Variants in GALNT7 observed in about 807,000 individuals in gnomAD.
The protein encoded by GALNT7 is N-acetylgalactosaminyltransferase 7.
Under a neutral mutation model 82.1 loss-of-function variants are expected in GALNT7, and 60 were observed. The ratio of observed to expected loss-of-function variants is 0.73; its 90% CI spans 0.59 to 0.91. The LOEUF is 0.91. Ranked by LOEUF, GALNT7 falls within the 40% of genes least tolerant of loss-of-function variation. GALNT7 has a pLI of 0.00. For synonymous variants in GALNT7, 243 were observed against 275.1 expected (o/e 0.88, Z 1.15); for missense variants, 660 against 804.2 (o/e 0.82, Z 2.17).
At chr4:173,286,190 C>A (rs1736315723) in intron 2 of GALNT7, among the ~76,000 whole-genome samples, 2 of 152,162 alleles carry the variant, frequency 1.3e-5, no homozygotes, top group Non-Finnish European at 2.9e-5. Context: ...AAACAGTGAT[C>A]TTCATCATTC....
intron 1 of GALNT7, among the ~76,000 whole-genome samples, chr4:173,203,243 G>A (rs57715340): frequency 0.016 from 2,476 of 152,084 alleles, 70 homozygotes; most frequent in Admixed American, 0.067. Context: ...ACAGGCGCCC[G>A]CCACCACGCC....
chr4:173,292,284 G>T lies in GALNT7; in HGVS notation c.754+10G>T, dbSNP rs199755438. ...GATTTCAGTAATAAAGGTAATGGCTGTGAAACTCACATTTTGTCTATAAAA... is the reference window on the plus strand; with the variant it reads ...GATTTCAGTAATAAAGGTAATGGCTTTGAAACTCACATTTTGTCTATAAAA... On this transcript the variant is annotated intron_variant, in intron 3 of 11. Transcript: ENST00000265000. The surrounding 1 kb of genome is among the most constrained non-coding windows in gnomAD (Gnocchi z 4.8). The T allele has an allele frequency of 1.3e-5, 20 of 1,487,744 alleles. No homozygotes were observed. The highest frequency in any genetic ancestry group is 2.1e-5 in the Admixed American group (1 of 47,046). The allele number at this position is 1,487,744 out of a possible 1,614,324, so 92.2% of individuals were successfully genotyped here. A position where few individuals can be genotyped will look rare whatever the true frequency, so the allele number is the denominator to read the frequency against.
chr4:173,207,549 T>TAAGG, intron 1 of GALNT7, among the ~76,000 whole-genome samples: 1 of 152,212 alleles, frequency 6.6e-6, no homozygotes. Context: ...AATCCTCTAT[T>TAAGG]AAGGTTGTTT....
intron 1 of GALNT7, among the ~76,000 whole-genome samples, chr4:173,189,168 G>A (rs1732546408): frequency 6.6e-6 from 1 of 152,100 alleles, no homozygotes; most frequent in Admixed American, 6.5e-5. Flanking sequence ...CACTGATCTT[G>A]CGGTTATTTA....
At chr4:173,262,954 A>G (rs993805029) in intron 2 of GALNT7, among the ~76,000 whole-genome samples, 7 of 152,216 alleles carry the variant, frequency 4.6e-5, no homozygotes, top group African/African-American at 1.2e-4. Flanking sequence ...TTATGAAGGT[A>G]TATTAAGTAT....
At chr4:173,223,279 CA>C (rs1733700383) in intron 1 of GALNT7, among the ~76,000 whole-genome samples, 1 of 152,140 alleles carries the variant, frequency 6.6e-6, no homozygotes, top group Non-Finnish European at 1.5e-5. Context: ...TTTTTCACAC[CA>C]TATCCTGCCT....
chr4:173,273,511 TG>T (rs1429069835), intron 2 of GALNT7, among the ~76,000 whole-genome samples: 1 of 152,204 alleles, frequency 6.6e-6, no homozygotes, highest in Non-Finnish European at 1.5e-5. Flanking sequence ...TCTGAACAAC[TG>T]GTTTGTTAAA....
At chr4:173,191,368 G>A (rs1373527247) in intron 1 of GALNT7, among the ~76,000 whole-genome samples, 2 of 152,138 alleles carry the variant, frequency 1.3e-5, no homozygotes. Context: ...GCGAGCAAAA[G>A]GATGTAAGTC....
chr4:173,222,121 G>A (rs1221677688), intron 1 of GALNT7, among the ~76,000 whole-genome samples: 1 of 152,138 alleles, frequency 6.6e-6, no homozygotes, highest in African/African-American at 2.4e-5. Flanking sequence ...CTAGGCCATG[G>A]TATCAGCGCG....
intron 2 of GALNT7, among the ~76,000 whole-genome samples, chr4:173,249,288 C>T (rs1734768026): frequency 6.6e-6 from 1 of 152,194 alleles, no homozygotes. Flanking sequence ...CAGGTGCTCA[C>T]ACTCCCATAC....
chr4:173,182,911 C>G (rs1732300399), intron 1 of GALNT7, among the ~76,000 whole-genome samples: 2 of 128,212 alleles, frequency 1.6e-5, no homozygotes, highest in South Asian at 2.4e-4. Context: ...ATGAGGCTAG[C>G]AGGTTACTCA....
chr4:173,303,026 C>A (rs1737005199), intron 7 of GALNT7, among the ~76,000 whole-genome samples: 1 of 152,134 alleles, frequency 6.6e-6, no homozygotes, highest in African/African-American at 2.4e-5. Flanking sequence ...GAAACCCCAT[C>A]TCTACTAAAA....
chr4:173,197,877 G>C (rs1359850086), intron 1 of GALNT7, among the ~76,000 whole-genome samples: 1 of 152,108 alleles, frequency 6.6e-6, no homozygotes, highest in Non-Finnish European at 1.5e-5. Flanking sequence ...GAATTAGCTG[G>C]CTGAATTACT....
chr4:173,304,712 T>C (rs1187137866), intron 8 of GALNT7, among the ~76,000 whole-genome samples: 5 of 152,078 alleles, frequency 3.3e-5, no homozygotes, highest in Non-Finnish European at 2.9e-5. Context: ...ATCCTCACCT[T>C]CTGGTAACCA....
chr4:173,201,492 A>G (rs764225183), intron 1 of GALNT7, among the ~76,000 whole-genome samples: 15 of 152,222 alleles, frequency 9.9e-5, no homozygotes, highest in Non-Finnish European at 1.8e-4. Flanking sequence ...GAAAGGGTTC[A>G]CAGCTATTTG....
chr4:173,172,896 G>T (rs1221654771), intron 1 of GALNT7, among the ~76,000 whole-genome samples: 1 of 152,152 alleles, frequency 6.6e-6, no homozygotes, highest in Admixed American at 6.5e-5. Flanking sequence ...AGAAGCCGTT[G>T]AAAGATTTTA....
At chr4:173,294,873 A>G (rs539187534) in intron 3 of GALNT7, among the ~76,000 whole-genome samples, 1 of 152,302 alleles carries the variant, frequency 6.6e-6, no homozygotes, top group South Asian at 2.1e-4. Flanking sequence ...TTATTTGCCA[A>G]CTTGGTGGGA....
intron 1 of GALNT7, among the ~76,000 whole-genome samples, chr4:173,233,102 G>A (rs990064740): frequency 6.6e-6 from 1 of 152,186 alleles, no homozygotes; most frequent in African/African-American, 2.4e-5. Flanking sequence ...TCCATTGTGT[G>A]TATACATACC....
intron 2 of GALNT7, among the ~76,000 whole-genome samples, chr4:173,285,113 G>T (rs1736277113): frequency 6.6e-6 from 1 of 152,106 alleles, no homozygotes; most frequent in African/African-American, 2.4e-5. Context: ...TAAACCTTCT[G>T]CTTTATTTTA....
Sources: allele counts gnomAD v4.1 joint callset (sites outside exome capture counted in the v4.1 genomes callset), GRCh38; gene constraint gnomAD v4.1.1; non-coding constraint Gnocchi (gnomAD v3.1); transcripts MANE v1.5; gene names NCBI Gene and HGNC (gene_info 2026-07-23, HGNC 2026-07-21).